The following SYCP2L variants were observed in gnomAD, a reference collection of about 807,000 sequenced individuals.
SYCP2L encodes the protein synaptonemal complex protein 2 like, also known as synaptonemal complex protein 2-like.
SYCP2L carries 98 observed loss-of-function variants against 125.8 expected under a neutral mutation model. The observed-to-expected ratio is 0.78, with a 90% CI of 0.66 to 0.92. The LOEUF is 0.92. Ranked by LOEUF, SYCP2L falls within the 40% of genes least tolerant of loss-of-function variation. The pLI, the probability that SYCP2L is intolerant of heterozygous loss-of-function variation, is 0.00. For synonymous variants in SYCP2L, 317 were observed against 325.4 expected (o/e 0.97, Z 0.28); for missense variants, 842 against 936.4 (o/e 0.90, Z 1.32).
intron 1 of SYCP2L, 125 bp downstream of exon 1, chr6:10,887,260 A>C (rs956708100): frequency 1.5e-6 from 2 of 1,312,240 alleles, no homozygotes; most frequent in African/African-American, 2.9e-5. Flanking sequence ...TGCTGGGCAT[A>C]GTCCCCCGCC....
intron 14 of SYCP2L, among the ~76,000 whole-genome samples, chr6:10,920,596 A>G (rs976071285): frequency 1.4e-4 from 22 of 152,216 alleles, no homozygotes; most frequent in African/African-American, 5.3e-4. Flanking sequence ...GGTAAATGTT[A>G]TAATTGCGTT....
chr6:10,952,081 T>A (rs1468449365), intron 23 of SYCP2L, among the ~76,000 whole-genome samples: 2 of 152,224 alleles, frequency 1.3e-5, no homozygotes, highest in African/African-American at 4.8e-5. Flanking sequence ...ATGACTTGAC[T>A]GCGTTTGTGT....
intron 23 of SYCP2L, among the ~76,000 whole-genome samples, chr6:10,947,171 T>G (rs761754711): frequency 2.6e-5 from 4 of 152,062 alleles, no homozygotes; most frequent in Middle Eastern, 3.2e-3. Context: ...TTTTGTGTAG[T>G]TCCTATTCCC....
chr6:10,918,628 C>G (rs1269900058), intron 14 of SYCP2L, among the ~76,000 whole-genome samples: 1 of 152,052 alleles, frequency 6.6e-6, no homozygotes, highest in Admixed American at 6.5e-5. Context: ...CCTCCGCCTC[C>G]TGGGTTCAAG....
At position 10,907,892 on chromosome 6, in the gene SYCP2L, G is replaced by GTTTTTTTTTTTTTGTT. The variant is rs1554105095; in HGVS notation, c.819+221_819+222insGTTTTTTTTTTTTTTT. 1.7e-3 allele frequency among the ~76,000 whole-genome samples: 156 copies of GTTTTTTTTTTTTTGTT among 91,926 alleles called. 11 individuals carry two copies. Among genetic ancestry groups the GTTTTTTTTTTTTTGTT allele is most frequent in the African/African-American group, 6.1e-3 (147 of 24,144 alleles). The allele number at this position is 91,926 out of a possible 152,430, so 60.3% of individuals were successfully genotyped here. A position where few individuals can be genotyped will look rare whatever the true frequency, so the allele number is the denominator to read the frequency against. ...GAGCTAGATATAGGGATACAGATAG[G>GTTTTTTTTTTTTTGTT]TTTTTTTTTTTTTTTTTTGACAGAG... On this transcript the variant is annotated intron_variant, in intron 10 of 29. Transcript: ENST00000283141.
rs951061910 is a variant in SYCP2L, at chr6:10,973,509, C to T, written c.*38-443C>T. Among the ~76,000 whole-genome samples the T allele has an allele frequency of 1.6e-4, 24 of 152,180 alleles. No homozygotes were observed. In the South Asian group the frequency reaches 1.9e-3, roughly 12 times the overall value. On this transcript the variant is annotated intron_variant, in intron 29 of 29. Coordinates refer to ENST00000283141, the MANE Select transcript of SYCP2L (RefSeq NM_001040274.3). The stretch of plus-strand genomic sequence containing the variant: ...ATTGTGCCACTGCACTCCAGCCTTG[C>T]GACAGAGTGAGACTCCATCTCAAAA...
intron 29 of SYCP2L, among the ~76,000 whole-genome samples, chr6:10,968,302 C>T (rs1353030830): frequency 1.3e-5 from 2 of 152,144 alleles, no homozygotes; most frequent in Non-Finnish European, 2.9e-5. Flanking sequence ...AGCTTGAAAA[C>T]GGATGCTTCA....
At chr6:10,921,127 C>T (rs138030999) in intron 14 of SYCP2L, among the ~76,000 whole-genome samples, 113 of 152,218 alleles carry the variant, frequency 7.4e-4, no homozygotes, top group Admixed American at 3.1e-3. Flanking sequence ...TGAGAACATG[C>T]GGTGTTTGGT....
At chr6:10,944,090 A>G (rs1286673311) in intron 23 of SYCP2L, among the ~76,000 whole-genome samples, 2 of 152,222 alleles carry the variant, frequency 1.3e-5, no homozygotes, top group Non-Finnish European at 2.9e-5. Context: ...GGGTTATAAA[A>G]TATGTATACC....
At chr6:10,953,843 A>G (rs1417143291) in intron 23 of SYCP2L, among the ~76,000 whole-genome samples, 1 of 152,162 alleles carries the variant, frequency 6.6e-6, no homozygotes, top group East Asian at 1.9e-4. Flanking sequence ...GAGTGTGAAG[A>G]GTTGGGAGGC....
chr6:10,921,799 G>C (rs930021686), intron 14 of SYCP2L, among the ~76,000 whole-genome samples: 1 of 151,666 alleles, frequency 6.6e-6, no homozygotes, highest in African/African-American at 2.4e-5. Context: ...TCCGCCTCCT[G>C]GGTTCATGCC....
chr6:10,887,903 A>G (rs1404922048), intron 1 of SYCP2L, among the ~76,000 whole-genome samples: 4 of 152,208 alleles, frequency 2.6e-5, no homozygotes, highest in Non-Finnish European at 4.4e-5. Flanking sequence ...CTACGCTTAA[A>G]TTCAGAGCAC....
Position 10,935,072 on chromosome 6 carries a change from A to G in SYCP2L, c.1698A>G (p.Ser566=), listed in dbSNP as rs201306685. The change falls in exon 21 of 30, where the codon TCA becomes TCG. Residue 566 remains serine, a synonymous_variant. Transcript: ENST00000283141. ...CTATATTTTAGGCTAAGCTTCTATC[A>G]CCATCAGAGAAAGAAATACCCGAGC... ...GHEKDQAKLL[S]PSEKEIPEQN... is the part of the protein sequence containing the mutation. 20 of 1,608,044 alleles carry G rather than the reference A, an allele frequency of 1.2e-5. No individual in the cohort carries two copies. The East Asian group carries it at 4.5e-4, about 36-fold the overall frequency.
intron 29 of SYCP2L, among the ~76,000 whole-genome samples, chr6:10,971,865 A>C (rs1332463955): frequency 6.6e-6 from 1 of 152,000 alleles, no homozygotes; most frequent in Admixed American, 6.6e-5. Flanking sequence ...TAGTAGACAG[A>C]GTGTGTCGCC....
At chr6:10,931,620 A>C in intron 20 of SYCP2L, 131 bp downstream of exon 20, 1 of 857,634 alleles carries the variant, frequency 1.2e-6, no homozygotes, top group East Asian at 2.6e-5. Context: ...CGCCAATAGA[A>C]ATTTCAAGGT....
intron 29 of SYCP2L, among the ~76,000 whole-genome samples, chr6:10,973,126 G>T (rs1781803086): frequency 6.6e-6 from 1 of 152,210 alleles, no homozygotes; most frequent in South Asian, 2.1e-4. Context: ...TATCGCTCAG[G>T]TGATTCTGCC....
intron 21 of SYCP2L, among the ~76,000 whole-genome samples, chr6:10,940,079 G>A (rs1336382361): frequency 7.0e-6 from 1 of 142,736 alleles, no homozygotes; most frequent in East Asian, 2.4e-4. Context: ...TGGCTAATGG[G>A]TATATGTACT....
chr6:10,892,565 C>T (rs1016682116), intron 2 of SYCP2L, among the ~76,000 whole-genome samples: 1 of 152,162 alleles, frequency 6.6e-6, no homozygotes, highest in African/African-American at 2.4e-5. Context: ...TCCTAAAGTG[C>T]TGGGATTACA....
intron 14 of SYCP2L, among the ~76,000 whole-genome samples, chr6:10,923,541 A>G (rs1266044051): frequency 6.6e-6 from 1 of 151,592 alleles, no homozygotes; most frequent in Non-Finnish European, 1.5e-5. Flanking sequence ...GTGCACCACC[A>G]CGCCCAGCTA....
Sources: gnomAD v4.1 joint callset for allele counts (sites outside exome capture counted in the v4.1 genomes callset) on GRCh38, gnomAD v4.1.1 for gene constraint, MANE v1.5 for transcripts, NCBI Gene and HGNC (gene_info 2026-07-23, HGNC 2026-07-21) for gene names.